Variants in ATP6V0A1 observed in about 807,000 individuals in gnomAD.
ATP6V0A1 encodes the protein V-type proton ATPase 116 kDa subunit a 1.
A neutral mutation model predicts 105.4 loss-of-function variants in ATP6V0A1; 43 were observed. The ratio of observed to expected loss-of-function variants is 0.41; its 90% CI spans 0.32 to 0.53. The LOEUF is 0.53. ATP6V0A1 is among the 20% of genes least tolerant of loss of function. The pLI is 0.30. For synonymous variants in ATP6V0A1, 362 were observed against 372.8 expected (o/e 0.97, Z 0.33); for missense variants, 676 against 1,051.1 (o/e 0.64, Z 4.93).
chr17:42,503,302 T>C (rs1231570920), intron 17 of ATP6V0A1, among the ~76,000 whole-genome samples: 1 of 152,248 alleles, frequency 6.6e-6, no homozygotes, highest in African/African-American at 2.4e-5. Context: ...GAGTGATGCT[T>C]GGACATTTGA....
chr17:42,476,637 A>AG (rs1310141647), intron 5 of ATP6V0A1, among the ~76,000 whole-genome samples: 1 of 151,922 alleles, frequency 6.6e-6, no homozygotes, highest in East Asian at 1.9e-4. Context: ...CTCCTTTCTG[A>AG]TGGGAGTAAA....
At chr17:42,514,015 C>G in intron 20 of ATP6V0A1, 37 bp downstream of exon 20, 1 of 1,588,338 alleles carries the variant, frequency 6.3e-7, no homozygotes, top group Non-Finnish European at 8.6e-7. Context: ...ACTCTAGTTT[C>G]CCCCTCTGTG....
At position 42,487,375 on chromosome 17, in the gene ATP6V0A1, C is replaced by T. The variant is rs1347623095; in HGVS notation, c.1023+8C>T. 1 of 1,612,536 alleles carries T rather than the reference C, an allele frequency of 6.2e-7. No individual in the cohort carries two copies. Among genetic ancestry groups the T allele is most frequent in the African/African-American group, 1.3e-5 (1 of 74,854 alleles). The stretch of plus-strand genomic sequence containing the variant: ...GCACTCAGAAGGGGCACGGTGAGTC[C>T]CCAAAGCTAACAATGCAGCTCGTGG... On this transcript the variant is annotated splice_region_variant and intron_variant, in intron 10 of 21. Transcript: ENST00000343619.
At chr17:42,479,502 A>G (rs1004358527) in intron 7 of ATP6V0A1, among the ~76,000 whole-genome samples, 1 of 152,268 alleles carries the variant, frequency 6.6e-6, no homozygotes, top group Non-Finnish European at 1.5e-5. Flanking sequence ...CAGTGAAGAT[A>G]AATGTACTGC....
At chr17:42,496,419 T>C (rs1377789863) in intron 14 of ATP6V0A1, 1 of 152,172 alleles carries the variant, frequency 6.6e-6, no homozygotes, top group African/African-American at 2.4e-5. Flanking sequence ...CAAAAACTTA[T>C]CCGAGAATTA....
In ATP6V0A1 at chr17:42,509,279, C is replaced by G. The variant is rs1355535151; in HGVS notation, c.2130+690C>G. Among the ~76,000 whole-genome samples the G allele has an allele frequency of 3.3e-5, 5 of 152,162 alleles. No individual in the cohort carries two copies. The East Asian group carries it at 9.6e-4, about 29-fold the overall frequency. On this transcript the variant is annotated intron_variant, in intron 19 of 21. Coordinates refer to ENST00000343619, the MANE Select transcript of ATP6V0A1 (RefSeq NM_001130021.3). ...GCAAATTGGCTAACTGTTCAGGCCA[C>G]ATCTCGAGTAGAAGGCCCTCTGGCT...
intron 5 of ATP6V0A1, among the ~76,000 whole-genome samples, chr17:42,473,750 A>G (rs2088319271): frequency 6.6e-6 from 1 of 152,238 alleles, no homozygotes; most frequent in African/African-American, 2.4e-5. Context: ...GAAATTCCGA[A>G]TAAAGACTGA....
In ATP6V0A1 at chr17:42,472,052, T is replaced by C. The variant is rs548325012; in HGVS notation, c.423+1834T>C. 2.9e-3 allele frequency among the ~76,000 whole-genome samples: 58 copies of C among 20,160 alleles called. 2 individuals carry two copies. The South Asian group carries it at 0.096, about 33-fold the overall frequency. 13.2% of individuals were successfully genotyped at this position (20,160 alleles called of 152,430 possible). A position where few individuals can be genotyped will look rare whatever the true frequency, so the allele number is the denominator to read the frequency against. On this transcript the variant is annotated intron_variant, in intron 5 of 21. Coordinates refer to ENST00000343619, the MANE Select transcript of ATP6V0A1 (RefSeq NM_001130021.3). The stretch of plus-strand genomic sequence containing the variant: ...GCAAAGCTTTTAAATATAGAGGCCC[T>C]TTTTTTTTTTTTTTTTCCCGAGACA...
intron 14 of ATP6V0A1, chr17:42,496,002 G>A (rs563727777): frequency 8.3e-5 from 20 of 239,890 alleles, no homozygotes; most frequent in African/African-American, 3.5e-4. Flanking sequence ...AACCTGGGAG[G>A]CAGAGGTTGC....
intron 21 of ATP6V0A1, chr17:42,520,001 G>T: frequency 6.1e-6 from 1 of 163,592 alleles, no homozygotes. Context: ...TCTTGGCTTG[G>T]AGGGAGGAAT....
intron 17 of ATP6V0A1, among the ~76,000 whole-genome samples, chr17:42,505,334 T>C (rs2091948324): frequency 6.6e-6 from 1 of 152,132 alleles, no homozygotes; most frequent in South Asian, 2.1e-4. Context: ...GCTTCCTGAG[T>C]AGCTGGGATT....
intron 15 of ATP6V0A1, among the ~76,000 whole-genome samples, chr17:42,499,865 C>A (rs1038438973): frequency 6.6e-6 from 1 of 151,810 alleles, no homozygotes; most frequent in Non-Finnish European, 1.5e-5. Context: ...CAGTAAAGAT[C>A]CTTGAAAAAA....
Position 42,495,766 on chromosome 17 carries a change from C to T in ATP6V0A1, c.1560+50C>T, listed in dbSNP as rs1428686907. The T allele has an allele frequency of 3.5e-6, 5 of 1,422,482 alleles. No homozygotes were observed. In the South Asian group the frequency reaches 4.6e-5, roughly 13 times the overall value. 88.1% of individuals were successfully genotyped at this position (1,422,482 alleles called of 1,614,324 possible). On this transcript the variant is annotated intron_variant, in intron 14 of 21. Transcript: ENST00000343619. ...CTAACCTCAAATTTTTTAACACTAA[C>T]CCTGAAGCAAGAGAATTAAAATGAA...
At chr17:42,493,781 T>G (rs1183646377) in intron 11 of ATP6V0A1, among the ~76,000 whole-genome samples, 1 of 152,164 alleles carries the variant, frequency 6.6e-6, no homozygotes, top group African/African-American at 2.4e-5. Context: ...ACCACTGCAC[T>G]CCAGCCTGGG....
Position 42,500,825 on chromosome 17 carries a change from C to T in ATP6V0A1, c.1798C>T (p.His600Tyr), listed in dbSNP as rs764487894. ...TTACAAGTGGACGGCCTATGATGCT[C>T]ATACCTCTGAGAATGCACCAAGCCT... ...IFYKWTAYDA[H>Y]TSENAPSLLI... The change falls in exon 16 of 22, where the codon CAT becomes TAT. Residue 600 changes from histidine (H) to tyrosine (Y), a missense_variant. By Grantham distance (83) the His-to-Tyr change is moderately conservative. Around this residue, in one of 3 missense-constraint regions of ATP6V0A1, gnomAD observed 435 missense variants for 642.2 expected, o/e 0.68. Coordinates refer to ENST00000343619, the MANE Select transcript of ATP6V0A1 (RefSeq NM_001130021.3). 3.1e-6 allele frequency: 5 copies of T among 1,614,064 alleles called. No homozygotes were observed. Among genetic ancestry groups the T allele is most frequent in the Admixed American group, 1.7e-5 (1 of 60,030 alleles).
chr17:42,517,819 C>G (rs967778004), intron 21 of ATP6V0A1: 1 of 152,254 alleles, frequency 6.6e-6, no homozygotes, highest in Non-Finnish European at 1.5e-5. Context: ...TTCATACCTC[C>G]CACTTTATCC....
intron 10 of ATP6V0A1, among the ~76,000 whole-genome samples, chr17:42,489,369 C>T (rs191609170): frequency 1.4e-4 from 21 of 152,276 alleles, no homozygotes; most frequent in Non-Finnish European, 2.4e-4. Flanking sequence ...GCATGAGCCA[C>T]TTCTCCTGGC....
At chr17:42,490,130 C>G (rs2090491897) in intron 10 of ATP6V0A1, among the ~76,000 whole-genome samples, 1 of 152,100 alleles carries the variant, frequency 6.6e-6, no homozygotes, top group South Asian at 2.1e-4. Flanking sequence ...TTTGCTTTCT[C>G]CATGAAAGGG....
rs191644896 is a variant in ATP6V0A1 at position 42,480,097 on chromosome 17, A to G, written c.634-570A>G. Among the ~76,000 whole-genome samples the G allele has an allele frequency of 6.4e-4, 97 of 152,274 alleles. No homozygotes were observed. The Middle Eastern group carries it at 0.01, about 16-fold the overall frequency. On this transcript the variant is annotated intron_variant, in intron 7 of 21. Coordinates refer to ENST00000343619, the MANE Select transcript of ATP6V0A1 (RefSeq NM_001130021.3). ...AACCTGAGACAATCCTGGTTAACACACCATACACCTTTTTTTCTGATCTTT... is the reference window on the plus strand; with the variant it reads ...AACCTGAGACAATCCTGGTTAACACGCCATACACCTTTTTTTCTGATCTTT...
Sources: gnomAD v4.1 joint callset for allele counts (sites outside exome capture counted in the v4.1 genomes callset) on GRCh38, gnomAD v4.1.1 for gene constraint, gnomAD v4.1.1 regional missense constraint, MANE v1.5 for transcripts, NCBI Gene and HGNC (gene_info 2026-07-23, HGNC 2026-07-21) for gene names.